MINK1: variants seen among roughly 807,000 people sequenced by gnomAD.
MINK1 encodes misshapen like kinase 1.
MINK1 carries 46 observed loss-of-function variants against 178.4 expected under a neutral mutation model. The ratio of observed to expected loss-of-function variants is 0.26; its 90% CI spans 0.20 to 0.33. The LOEUF (loss-of-function observed/expected upper bound fraction) is 0.33. Ranked by LOEUF, MINK1 falls within the 10% of genes least tolerant of loss-of-function variation. The pLI, the probability that MINK1 is intolerant of heterozygous loss-of-function variation, is 1.00. For missense variants in MINK1, 1,366 were observed against 1,814.9 expected (o/e 0.75, Z 4.49); for synonymous variants, 797 against 709.7 (o/e 1.12, Z -1.96).
Position 4,887,745 on chromosome 17 carries a change from G to A in MINK1, c.1185G>A (p.Gln395=). The A allele has an allele frequency of 1.3e-6, 2 of 1,548,724 alleles. No individual in the cohort carries two copies. Among genetic ancestry groups the A allele is most frequent in the African/African-American group, 1.4e-5 (1 of 72,978 alleles). The change falls in exon 12 of 32, where the codon CAG becomes CAA. Residue 395 remains glutamine (Q), a synonymous_variant. Coordinates refer to ENST00000355280, the MANE Select transcript of MINK1 (RefSeq NM_153827.5). The surrounding 1 kb of genome is among the most constrained non-coding windows in gnomAD (Gnocchi z 7.6). ...AHIKHLLHQR[Q]RRIEEQKEER... is the part of the protein sequence containing the mutation. ...TCAAACACCTGCTGCACCAGCGGCA[G>A]CGGCGCATAGAGGAGCAGAAGGAGG...
At chr17:4,851,897 G>GACA (rs1912021967) in intron 1 of MINK1, among the ~76,000 whole-genome samples, 1 of 151,446 alleles carries the variant, frequency 6.6e-6, no homozygotes, top group African/African-American at 2.4e-5. Flanking sequence ...CTACTTGGGA[G>GACA]GCTGGGACAG....
At chr17:4,883,484 A>G (rs868581459) in intron 4 of MINK1, among the ~76,000 whole-genome samples, 72 of 150,984 alleles carry the variant, frequency 4.8e-4, no homozygotes, top group Admixed American at 2.7e-3. Context: ...GATTACAGGC[A>G]TGAGCCACTG....
intron 1 of MINK1, among the ~76,000 whole-genome samples, chr17:4,875,327 T>C (rs1967085835): frequency 6.6e-6 from 1 of 152,192 alleles, no homozygotes. Context: ...AATATTGTTT[T>C]AGCTGTGCAT....
intron 1 of MINK1, among the ~76,000 whole-genome samples, chr17:4,871,273 CT>C (rs922715399): frequency 4.0e-5 from 6 of 149,978 alleles, no homozygotes; most frequent in African/African-American, 1.5e-4. Context: ...TCACTACTGC[CT>C]TCCGCTCCTG....
intron 1 of MINK1, among the ~76,000 whole-genome samples, chr17:4,872,770 A>G (rs1320227315): frequency 6.6e-6 from 1 of 152,162 alleles, no homozygotes; most frequent in Non-Finnish European, 1.5e-5. Context: ...TCTGTCTCAG[A>G]AACAAAAGAA....
intron 1 of MINK1, chr17:4,847,329 C>T (rs1232139910): frequency 2.3e-6 from 1 of 431,218 alleles, no homozygotes; most frequent in Non-Finnish European, 4.7e-6. Context: ...TCCTCTGCCT[C>T]CTCGGTTCAA....
intron 13 of MINK1, 34 bp downstream of exon 13, chr17:4,889,797 C>G: frequency 2.1e-6 from 3 of 1,444,260 alleles, no homozygotes; most frequent in Non-Finnish European, 1.8e-6. Flanking sequence ...TGCCCTCCCG[C>G]CCTCCCGCTC....
At position 4,890,203 on chromosome 17, in the gene MINK1, C is replaced by T. The variant is rs547308196; in HGVS notation, c.1348-314C>T. 211 of 918,794 alleles carry T rather than the reference C, an allele frequency of 2.3e-4. 4 individuals carry two copies. The South Asian group carries it at 4.3e-3, about 19-fold the overall frequency. 56.9% of individuals were successfully genotyped at this position (918,794 alleles called of 1,614,324 possible). A position where few individuals can be genotyped will look rare whatever the true frequency, so the allele number is the denominator to read the frequency against. ...TCCTTCCCTGCCCTCTGCCCCCCAC[C>T]CCACACCCCGTCCCCCAGGAATATA... On this transcript the variant is annotated intron_variant, in intron 13 of 31. Coordinates refer to ENST00000355280, the MANE Select transcript of MINK1 (RefSeq NM_153827.5).
chr17:4,889,791 C>T, intron 13 of MINK1, 28 bp downstream of exon 13: 2 of 1,458,454 alleles, frequency 1.4e-6, no homozygotes, highest in Non-Finnish European at 1.8e-6. Context: ...CATCCCTGCC[C>T]TCCCGCCCTC....
At chr17:4,890,072 T>C (rs2277682) in intron 13 of MINK1, 56,967 of 446,590 alleles carry the variant, frequency 0.13, 6,292 homozygotes, top group East Asian at 0.44. Flanking sequence ...GCTCATGTCA[T>C]CCCCTCCCCT....
At position 4,886,514 on chromosome 17, in the gene MINK1, C is replaced by T; in HGVS notation, c.837C>T (p.Pro279=). The T allele has an allele frequency of 6.2e-7, 1 of 1,613,690 alleles. No individual in the cohort carries two copies. The highest frequency in any genetic ancestry group is 8.5e-7 in the Non-Finnish European group (1 of 1,179,768). The change falls in exon 10 of 32, where the codon CCC becomes CCT. Residue 279 remains proline, a synonymous_variant. Transcript: ENST00000355280. This position sits in a 1 kb window ranked among gnomAD's most constrained non-coding sequence, Gnocchi z 6.1. ...CLIKTYLSRP[P]TEQLLKFPFI... is the part of the protein sequence containing the mutation. ...TCAAGACTTACCTGAGCCGCCCACC[C>T]ACGGAGCAGCTACTGAAGTTTCCCT...
In MINK1 at chr17:4,886,305, C is replaced by G; in HGVS notation, c.773+107C>G. ...CTTGGATCTCACCAGAGAAGAGATT[C>G]TGGGGGGCAGAGGGCGGTGACTGGT... On this transcript the variant is annotated intron_variant, in intron 9 of 31. Coordinates refer to ENST00000355280, the MANE Select transcript of MINK1 (RefSeq NM_153827.5). The surrounding 1 kb of genome is among the most constrained non-coding windows in gnomAD (Gnocchi z 6.1). 2 of 1,524,138 alleles carry G rather than the reference C, an allele frequency of 1.3e-6. No individual in the cohort carries two copies. The highest frequency in any genetic ancestry group is 1.8e-6 in the Non-Finnish European group (2 of 1,100,146). The allele number at this position is 1,524,138 out of a possible 1,614,324, so 94.4% of individuals were successfully genotyped here.
chr17:4,839,572 G>A (rs542292099), intron 1 of MINK1, among the ~76,000 whole-genome samples: 5 of 152,240 alleles, frequency 3.3e-5, no homozygotes, highest in East Asian at 1.9e-4. Context: ...CACAGCTCAC[G>A]GCCATTTGCT....
chr17:4,867,708 A>G (rs1915253497), intron 1 of MINK1, among the ~76,000 whole-genome samples: 1 of 151,916 alleles, frequency 6.6e-6, no homozygotes, highest in South Asian at 2.1e-4. Context: ...GCTACTGGTG[A>G]GGCTGAGGCA....
Position 4,894,944 on chromosome 17 carries a change from T to G in MINK1, c.2918-131T>G. 9.9e-7 allele frequency: 1 copy of G among 1,008,806 alleles called. No homozygotes were observed. The highest frequency in any genetic ancestry group is 1.4e-6 in the Non-Finnish European group (1 of 691,570). 62.5% of individuals were successfully genotyped at this position (1,008,806 alleles called of 1,614,324 possible). A position where few individuals can be genotyped will look rare whatever the true frequency, so the allele number is the denominator to read the frequency against. On this transcript the variant is annotated intron_variant, in intron 24 of 31. Transcript: ENST00000355280. The surrounding 1 kb of genome is among the most constrained non-coding windows in gnomAD (Gnocchi z 4.1). ...ACTCTATCCCCCTCTCCCATGCACC[T>G]CCTCTCCTCCTGTCTTTCTCCTCCT...
In MINK1 at chr17:4,897,357, C is replaced by T. The variant is rs1032963417; in HGVS notation, c.*70C>T. On this transcript the variant is annotated 3_prime_UTR_variant, in exon 32 of 32. Transcript: ENST00000355280. ...CCCTGCAGCCAGGCTTCCCGGGCCG[C>T]CCCTCTTTCCCCTCCCTGGGCTTTT... 11 of 1,384,512 alleles carry T rather than the reference C, an allele frequency of 7.9e-6. No individual in the cohort carries two copies. Among genetic ancestry groups the T allele is most frequent in the Non-Finnish European group, 1.0e-5 (10 of 982,144 alleles). The allele number at this position is 1,384,512 out of a possible 1,614,324, so 85.8% of individuals were successfully genotyped here.
chr17:4,845,291 T>A (rs1325400504), intron 1 of MINK1, among the ~76,000 whole-genome samples: 6 of 152,308 alleles, frequency 3.9e-5, no homozygotes, highest in Non-Finnish European at 7.3e-5. Context: ...AGTTAAGGGT[T>A]TCTGTTCCGT....
Position 4,844,497 on chromosome 17 carries a change from T to C in MINK1, c.57+10857T>C, listed in dbSNP as rs373262675. ...CTGCCCTCCAGGAGCACTTGGCCTC[T>C]AGATCTGTGTCTTAATAGAGGACAC... On this transcript the variant is annotated intron_variant, in intron 1 of 31. Transcript: ENST00000355280. 51 of 466,732 alleles carry C rather than the reference T, an allele frequency of 1.1e-4. 1 individual carries two copies. In the East Asian group the frequency reaches 2.6e-3, roughly 23 times the overall value. 28.9% of individuals were successfully genotyped at this position (466,732 alleles called of 1,614,324 possible).
At chr17:4,880,430 C>A (rs1967589894) in intron 2 of MINK1, among the ~76,000 whole-genome samples, 1 of 150,338 alleles carries the variant, frequency 6.7e-6, no homozygotes, top group African/African-American at 2.4e-5. Context: ...GGATTATAGG[C>A]GCCCACCATG....
Sources: gnomAD v4.1 joint callset for allele counts (sites outside exome capture counted in the v4.1 genomes callset) on GRCh38, gnomAD v4.1.1 for gene constraint, Gnocchi (gnomAD v3.1) non-coding constraint, MANE v1.5 for transcripts, NCBI Gene and HGNC (gene_info 2026-07-23, HGNC 2026-07-21) for gene names.